The following PBX3 variants were observed in gnomAD, a reference collection of about 807,000 sequenced individuals.
PBX3 encodes pre-B-cell leukemia transcription factor 3.
PBX3 carries 14 observed loss-of-function variants against 48.5 expected under a neutral mutation model. The observed-to-expected ratio is 0.29, with a 90% CI of 0.19 to 0.45. PBX3 has a LOEUF of 0.45. Ranked by LOEUF, PBX3 falls within the 20% of genes least tolerant of loss-of-function variation. The probability of loss-of-function intolerance (pLI) is 1.00; values close to 1 mark genes in which losing one functional copy is unlikely to be tolerated. For synonymous variants in PBX3, 210 were observed against 200.3 expected (o/e 1.05, Z -0.41); for missense variants, 386 against 546.7 (o/e 0.71, Z 2.93).
In PBX3 at chr9:125,841,537, C is replaced by CT. The variant is rs1001905478; in HGVS notation, c.275-74144dup. On this transcript the variant is annotated intron_variant, in intron 2 of 8. Transcript: ENST00000373489. ...ATTTATAACCATTCTACTTTTCTTC[C>CT]TTTTTGCTATTTCATCCCTGGAGTG... Among the ~76,000 whole-genome samples, 3 of 152,224 alleles carry CT rather than the reference C, an allele frequency of 2.0e-5. No homozygotes were observed. The East Asian group carries it at 5.8e-4, about 29-fold the overall frequency.
intron 2 of PBX3, among the ~76,000 whole-genome samples, chr9:125,754,034 C>T (rs1030665603): frequency 1.3e-5 from 2 of 151,988 alleles, no homozygotes; most frequent in African/African-American, 2.4e-5. Context: ...GTGAACCACA[C>T]CCTAAGTCAG....
At chr9:125,780,041 G>A (rs62567218) in intron 2 of PBX3, among the ~76,000 whole-genome samples, 2 of 137,068 alleles carry the variant, frequency 1.5e-5, no homozygotes, top group South Asian at 2.4e-4. Context: ...CCTCCCGGAC[G>A]GGGCGGCTGG....
intron 2 of PBX3, among the ~76,000 whole-genome samples, chr9:125,814,643 C>T (rs1588174591): frequency 6.6e-6 from 1 of 152,186 alleles, no homozygotes; most frequent in African/African-American, 2.4e-5. Flanking sequence ...GAATAACATT[C>T]ATGATTATTG....
chr9:125,830,289 G>A (rs1838922206), intron 2 of PBX3, among the ~76,000 whole-genome samples: 1 of 151,984 alleles, frequency 6.6e-6, no homozygotes, highest in Non-Finnish European at 1.5e-5. Flanking sequence ...TATTGTTCAT[G>A]TTAAGGAAAA....
intron 2 of PBX3, among the ~76,000 whole-genome samples, chr9:125,904,410 C>T (rs919879504): frequency 2.0e-5 from 3 of 151,864 alleles, no homozygotes; most frequent in African/African-American, 7.2e-5. Context: ...TTTACAGCCC[C>T]AGTGTCCTCT....
chr9:125,912,498 G>A (rs1388258779), intron 2 of PBX3, among the ~76,000 whole-genome samples: 1 of 152,136 alleles, frequency 6.6e-6, no homozygotes, highest in Non-Finnish European at 1.5e-5. Context: ...ATTAGGATTT[G>A]CTGAAAGATA....
At chr9:125,777,631 T>A (rs541931190) in intron 2 of PBX3, among the ~76,000 whole-genome samples, 1 of 152,182 alleles carries the variant, frequency 6.6e-6, no homozygotes, top group South Asian at 2.1e-4. Context: ...CCCAAAGTGC[T>A]GGGATTACAG....
At chr9:125,939,342 C>G (rs1047922701) in intron 5 of PBX3, among the ~76,000 whole-genome samples, 1 of 151,916 alleles carries the variant, frequency 6.6e-6, no homozygotes, top group African/African-American at 2.4e-5. Flanking sequence ...TAGAAATGGT[C>G]AATTGTATGA....
intron 4 of PBX3, among the ~76,000 whole-genome samples, chr9:125,932,393 T>C (rs1242287090): frequency 6.6e-6 from 1 of 152,234 alleles, no homozygotes; most frequent in African/African-American, 2.4e-5. Flanking sequence ...TAGTTTTTCA[T>C]GAACATTTCT....
At chr9:125,760,100 T>G (rs1836624519) in intron 2 of PBX3, among the ~76,000 whole-genome samples, 2 of 152,212 alleles carry the variant, frequency 1.3e-5, no homozygotes, top group Admixed American at 1.3e-4. Context: ...TCTGAGCAGT[T>G]TATTTCACGC....
intron 2 of PBX3, among the ~76,000 whole-genome samples, chr9:125,820,710 T>C (rs1472402600): frequency 1.3e-5 from 2 of 152,202 alleles, no homozygotes; most frequent in African/African-American, 2.4e-5. Context: ...TAGTTAATGC[T>C]GGTGACAGTA....
intron 2 of PBX3, among the ~76,000 whole-genome samples, chr9:125,866,121 T>C (rs1482506904): frequency 6.6e-6 from 1 of 152,318 alleles, no homozygotes; most frequent in East Asian, 1.9e-4. Flanking sequence ...TTCTAAATAG[T>C]GCTAAACACA....
At chr9:125,880,742 A>G (rs1325505542) in intron 2 of PBX3, among the ~76,000 whole-genome samples, 1 of 152,190 alleles carries the variant, frequency 6.6e-6, no homozygotes, top group Non-Finnish European at 1.5e-5. Flanking sequence ...TTTAGAAAAA[A>G]TTTTAATATA....
intron 2 of PBX3, among the ~76,000 whole-genome samples, chr9:125,851,503 A>G (rs1839576828): frequency 6.6e-6 from 1 of 152,124 alleles, no homozygotes; most frequent in Non-Finnish European, 1.5e-5. Context: ...GATATTTTAT[A>G]GAAGCATCTT....
At chr9:125,931,123 TTTTG>T (rs1659576077) in intron 4 of PBX3, among the ~76,000 whole-genome samples, 1 of 152,216 alleles carries the variant, frequency 6.6e-6, no homozygotes, top group East Asian at 1.9e-4. Flanking sequence ...TTCTCTCTCT[TTTTG>T]TTTGTTTGGG....
intron 2 of PBX3, among the ~76,000 whole-genome samples, chr9:125,909,120 C>T (rs568195771): frequency 1.1e-4 from 16 of 152,116 alleles, no homozygotes; most frequent in Admixed American, 2.0e-4. Context: ...CTCTTCTTTC[C>T]GCATTTTTAT....
In PBX3 at chr9:125,882,187, T is replaced by G. The variant is rs1448199428; in HGVS notation, c.275-33499T>G. 3.3e-5 allele frequency among the ~76,000 whole-genome samples: 5 copies of G among 152,106 alleles called. No homozygotes were observed. The East Asian group carries it at 9.6e-4, about 29-fold the overall frequency. Reference sequence around the variant, plus strand: ...TGAGGCTGCAGTGAGCTGTGATCACTGCATTGCAGCATGGGGGACAGGGAG... The same window carrying G: ...TGAGGCTGCAGTGAGCTGTGATCACGGCATTGCAGCATGGGGGACAGGGAG... On this transcript the variant is annotated intron_variant, in intron 2 of 8. Coordinates refer to ENST00000373489, the MANE Select transcript of PBX3 (RefSeq NM_006195.6).
chr9:125,955,187 C>CGTTTCAGCTCTGTCTCT (rs1387146855), intron 5 of PBX3, among the ~76,000 whole-genome samples: 2 of 151,778 alleles, frequency 1.3e-5, no homozygotes, highest in Admixed American at 1.3e-4. Flanking sequence ...TCTCAGGCTC[C>CGTTTCAGCTCTGTCTCT]GTTTCAGCTC....
At chr9:125,785,242 C>T (rs1174655308) in intron 2 of PBX3, among the ~76,000 whole-genome samples, 2 of 152,102 alleles carry the variant, frequency 1.3e-5, no homozygotes, top group African/African-American at 4.8e-5. Context: ...AGTATTGTTT[C>T]TGGGTGTGTC....
Sources: gnomAD v4.1 joint callset for allele counts (sites outside exome capture counted in the v4.1 genomes callset) on GRCh38, gnomAD v4.1.1 for gene constraint, MANE v1.5 for transcripts, NCBI Gene and HGNC (gene_info 2026-07-23, HGNC 2026-07-21) for gene names.